Variants in CPNE6 observed in about 807,000 individuals in gnomAD.
CPNE6 encodes the protein copine-6.
CPNE6 carries 33 observed loss-of-function variants against 71.5 expected under a neutral mutation model. That is an observed-to-expected ratio of 0.46 (90% confidence interval 0.35 to 0.62). CPNE6 has a LOEUF of 0.62. Ranked by LOEUF, CPNE6 falls within the 20% of genes least tolerant of loss-of-function variation. CPNE6 has a pLI of 0.00. For synonymous variants in CPNE6, 296 were observed against 293.0 expected, an observed-to-expected ratio of 1.01 and a Z score of -0.10; for missense variants, 576 against 747.3, an observed-to-expected ratio of 0.77 and a Z score of 2.67.
chr14:24,075,493 G>T lies in CPNE6; in HGVS notation c.778-12G>T. The T allele has an allele frequency of 6.2e-7, 1 of 1,607,800 alleles. No individual in the cohort carries two copies. The highest frequency in any genetic ancestry group is 8.5e-7 in the Non-Finnish European group (1 of 1,176,672). ...TGGACTTGTGACCCTGAGCTTGTGGGGTGGGGTCTAGATGCAGTGGGACTG... is the reference window on the plus strand; with the variant it reads ...TGGACTTGTGACCCTGAGCTTGTGGTGTGGGGTCTAGATGCAGTGGGACTG... On this transcript the variant is annotated splice_polypyrimidine_tract_variant and intron_variant, in intron 9 of 17. Coordinates refer to ENST00000397016, the Ensembl canonical transcript of CPNE6. This position sits in a 1 kb window ranked among gnomAD's most constrained non-coding sequence, Gnocchi z 4.3.
intron 1 of CPNE6, chr14:24,071,049 G>A (rs888648456): frequency 4.6e-6 from 7 of 1,534,520 alleles, no homozygotes; most frequent in Admixed American, 3.9e-5. Flanking sequence ...GTGAGTACAT[G>A]TGTGACAAGG....
Position 24,075,407 on chromosome 14 carries a change from G to T in CPNE6, c.778-98G>T. ...AAGCACCTGGGCTCAGCTGAAGGAC[G>T]GAACCATGGGGGTCTTGCTCTGGGA... On this transcript the variant is annotated intron_variant, in intron 9 of 17. Coordinates refer to ENST00000397016, the Ensembl canonical transcript of CPNE6. This position sits in a 1 kb window ranked among gnomAD's most constrained non-coding sequence, Gnocchi z 4.3. The T allele has an allele frequency of 7.1e-7, 1 of 1,406,764 alleles. No individual in the cohort carries two copies. The highest frequency in any genetic ancestry group is 1.0e-6 in the Non-Finnish European group (1 of 999,656). 87.1% of individuals were successfully genotyped at this position (1,406,764 alleles called of 1,614,324 possible).
chr14:24,073,503 A>C lies in CPNE6; in HGVS notation c.173A>C (p.Glu58Ala). 6.2e-7 allele frequency: 1 copy of C among 1,612,978 alleles called. No individual in the cohort carries two copies. The highest frequency in any genetic ancestry group is 8.5e-7 in the Non-Finnish European group (1 of 1,179,754). ...TCCCTTCAACCACTACCACAGGTAGAGCGCACAGAGGTGCTTCGCTCCTGT... is the reference window on the plus strand; with the variant it reads ...TCCCTTCAACCACTACCACAGGTAGCGCGCACAGAGGTGCTTCGCTCCTGT... Residue 58 changes from glutamate to alanine, a missense_variant, in exon 4 of 18, where the codon GAG becomes GCG. By Grantham distance (107) the Glu-to-Ala change is moderately radical. Coordinates refer to ENST00000397016, the Ensembl canonical transcript of CPNE6. This position sits in a 1 kb window ranked among gnomAD's most constrained non-coding sequence, Gnocchi z 5.5.
chr14:24,071,501 G>GGGGGGCCCC, intron 1 of CPNE6, 61 bp from the exon 1 acceptor site: 1 of 1,416,704 alleles, frequency 7.1e-7, no homozygotes, highest in Non-Finnish European at 9.3e-7. Flanking sequence ...CTGGTGCTGC[G>GGGGGGCCCC]CCCCCCCCCA....
chr14:24,074,079 C>A lies in CPNE6; in HGVS notation c.377C>A (p.Pro126Gln), dbSNP rs775929915. ...GTGTCACAAACCAAGGTCACTAAGC[C>A]ATTATTGCTGAAGAATGGGAAGACT... is the stretch of plus-strand genomic sequence containing the variant. Residue 126 changes from proline (P) to glutamine (Q), a missense_variant, in exon 5 of 18, where the codon CCA (proline) becomes CAA (glutamine). Physicochemically the swap from Pro to Gln is moderately conservative, Grantham distance 76. Transcript: ENST00000397016. The surrounding 1 kb of genome is among the most constrained non-coding windows in gnomAD (Gnocchi z 4.5). 6.2e-7 allele frequency: 1 copy of A among 1,614,180 alleles called. No individual in the cohort carries two copies. Among genetic ancestry groups the A allele is most frequent in the Non-Finnish European group, 8.5e-7 (1 of 1,180,022 alleles).
Position 24,071,281 on chromosome 14 carries a change from G to C in CPNE6, c.-119-246G>C, listed in dbSNP as rs1357177334. On this transcript the variant is annotated intron_variant, in intron 1 of 17. Coordinates refer to ENST00000397016, the Ensembl canonical transcript of CPNE6. ...GTCGCCATCATTTCTCTGTTTGAAT[G>C]TGTATGTGCATGCCACTGCAATGTG... 4.6e-6 allele frequency: 6 copies of C among 1,307,216 alleles called. No individual in the cohort carries two copies. In the Admixed American group the frequency reaches 1.6e-4, roughly 36 times the overall value. 81.0% of individuals were successfully genotyped at this position (1,307,216 alleles called of 1,614,324 possible).
rs2036007732 is a variant in CPNE6, at chr14:24,074,813, C to G, written c.672+18C>G. ...CTCTCAAGGTGAAGTCCCAGCCAAGCCAGCACAGCCTACTTAGAGCAACCA... is the reference window on the plus strand; with the variant it reads ...CTCTCAAGGTGAAGTCCCAGCCAAGGCAGCACAGCCTACTTAGAGCAACCA... On this transcript the variant is annotated intron_variant, in intron 8 of 17. Coordinates refer to ENST00000397016, the Ensembl canonical transcript of CPNE6. The surrounding 1 kb of genome is among the most constrained non-coding windows in gnomAD (Gnocchi z 4.5). The G allele has an allele frequency of 6.2e-7, 1 of 1,603,790 alleles. No individual in the cohort carries two copies. Among genetic ancestry groups the G allele is most frequent in the African/African-American group, 1.3e-5 (1 of 74,630 alleles).
chr14:24,075,702 G>A lies in CPNE6; in HGVS notation c.864+111G>A. On this transcript the variant is annotated intron_variant, in intron 10 of 17. Coordinates refer to ENST00000397016, the Ensembl canonical transcript of CPNE6. The surrounding 1 kb of genome is among the most constrained non-coding windows in gnomAD (Gnocchi z 4.3). The stretch of plus-strand genomic sequence containing the variant: ...CCAGTTTCTCTGCTTCTGGGAACTG[G>A]AAACCACCCCCAACTGCAACCCAAA... 7.3e-7 allele frequency: 1 copy of A among 1,364,024 alleles called. No individual in the cohort carries two copies. The highest frequency in any genetic ancestry group is 1.0e-6 in the Non-Finnish European group (1 of 972,010). 84.5% of individuals were successfully genotyped at this position (1,364,024 alleles called of 1,614,324 possible). A position where few individuals can be genotyped will look rare whatever the true frequency, so the allele number is the denominator to read the frequency against.
intron 14 of CPNE6, 45 bp downstream of exon 13, chr14:24,076,602 C>T (rs2036073887): frequency 1.9e-6 from 3 of 1,610,184 alleles, no homozygotes; most frequent in Admixed American, 3.3e-5. Context: ...CGCAGACACA[C>T]TCCACACAGG....
chr14:24,074,880 C>T lies in CPNE6; in HGVS notation c.672+85C>T, dbSNP rs912166854. 5.6e-6 allele frequency: 6 copies of T among 1,072,410 alleles called. No individual in the cohort carries two copies. In the African/African-American group the frequency reaches 9.4e-5, roughly 17 times the overall value. 66.4% of individuals were successfully genotyped at this position (1,072,410 alleles called of 1,614,324 possible). On this transcript the variant is annotated intron_variant, in intron 8 of 17. Transcript: ENST00000397016. The surrounding 1 kb of genome is among the most constrained non-coding windows in gnomAD (Gnocchi z 4.5). ...CTTTCCCCTGCATGTGGCAAGCCTC[C>T]CTCCTCTCCCCCAAGTGATAATCAC...
intron 1 of CPNE6, chr14:24,071,058 G>C: frequency 6.5e-7 from 1 of 1,532,500 alleles, no homozygotes; most frequent in East Asian, 2.4e-5. Context: ...TGTGTGACAA[G>C]GACAGCCCAG....
At position 24,074,298 on chromosome 14, in the gene CPNE6, C is replaced by A; in HGVS notation, c.431C>A (p.Ala144Asp). 2 of 1,578,900 alleles carry A rather than the reference C, an allele frequency of 1.3e-6. No homozygotes were observed. Among genetic ancestry groups the A allele is most frequent in the South Asian group, 1.2e-5 (1 of 85,892 alleles). ...CTTGTATCCCCCTTGCAGATCGTGG[C>A]CGAGGAGGTATCAGGCACAAACGAC... The change falls in exon 6 of 18, where the codon GCC (alanine) becomes GAC (aspartate). Residue 144 changes from alanine to aspartate, a missense_variant. Transcript: ENST00000397016. The surrounding 1 kb of genome is among the most constrained non-coding windows in gnomAD (Gnocchi z 4.5).
At chr14:24,078,003 A>G (rs1189123175) in exon 18 of CPNE6, 4 of 352,876 alleles carry the variant, frequency 1.1e-5, no homozygotes, top group South Asian at 2.5e-4. Flanking sequence ...TCCAAACCCC[A>G]TACCCTTCAA....
chr14:24,075,463 C>T lies in CPNE6; in HGVS notation c.778-42C>T, dbSNP rs369875632. 1.9e-6 allele frequency: 3 copies of T among 1,573,512 alleles called. No individual in the cohort carries two copies. Among genetic ancestry groups the T allele is most frequent in the Admixed American group, 3.5e-5 (2 of 56,628 alleles). ...TGCTGGAAGGGAGAAAGAGGGGTCA[C>T]CTGATGGACTTGTGACCCTGAGCTT... On this transcript the variant is annotated intron_variant, in intron 9 of 17. Transcript: ENST00000397016. This position sits in a 1 kb window ranked among gnomAD's most constrained non-coding sequence, Gnocchi z 4.3.
Position 24,071,545 on chromosome 14 carries a change from G to C in CPNE6, c.-101G>C. On this transcript the variant is annotated 5_prime_UTR_variant, in exon 2 of 18. Coordinates refer to ENST00000397016, the Ensembl canonical transcript of CPNE6. ...CATCCAGGCCCCATAAATAGCAGCA[G>C]AGCCGGAGCTGGAGCCGGCGCCAGC... is the stretch of plus-strand genomic sequence containing the variant. The C allele has an allele frequency of 8.4e-7, 1 of 1,189,810 alleles. No individual in the cohort carries two copies. Among genetic ancestry groups the C allele is most frequent in the Non-Finnish European group, 1.1e-6 (1 of 915,990 alleles). The allele number at this position is 1,189,810 out of a possible 1,614,324, so 73.7% of individuals were successfully genotyped here.
Position 24,075,274 on chromosome 14 carries a change from G to A in CPNE6, c.775G>A (p.Glu259Lys). The A allele has an allele frequency of 6.2e-7, 1 of 1,613,786 alleles. No homozygotes were observed. The highest frequency in any genetic ancestry group is 8.5e-7 in the Non-Finnish European group (1 of 1,179,684). ...GGAAGGGACGGCAAACCCTGGGCAG[G>A]AGGTGCCACAAATACCCCACCCCCA... The change falls in exon 9 of 18, where the codon GAG (glutamate) becomes AAG (lysine). Residue 259 changes from glutamate to lysine, a missense_variant and splice_region_variant. By Grantham distance (56) the Glu-to-Lys change is moderately conservative. Around this residue, in one of 4 missense-constraint regions of CPNE6, gnomAD observed 214 missense variants for 291.2 expected, o/e 0.73. Coordinates refer to ENST00000397016, the Ensembl canonical transcript of CPNE6. The surrounding 1 kb of genome is among the most constrained non-coding windows in gnomAD (Gnocchi z 4.3).
rs1394272398 is a variant in CPNE6 at position 24,075,081 on chromosome 14, C to A, written c.673-91C>A. On this transcript the variant is annotated intron_variant, in intron 8 of 17. Transcript: ENST00000397016. The surrounding 1 kb of genome is among the most constrained non-coding windows in gnomAD (Gnocchi z 4.3). The stretch of plus-strand genomic sequence containing the variant: ...GGCATGGAGACTCTAAGGCCCAAGT[C>A]CCCCTACTCCAAGTCCCCGAGTCCC... 1.5e-5 allele frequency: 14 copies of A among 917,862 alleles called. No homozygotes were observed. The highest frequency in any genetic ancestry group is 2.0e-5 in the Non-Finnish European group (11 of 561,474). 56.9% of individuals were successfully genotyped at this position (917,862 alleles called of 1,614,324 possible). A position where few individuals can be genotyped will look rare whatever the true frequency, so the allele number is the denominator to read the frequency against.
chr14:24,075,408 G>A lies in CPNE6; in HGVS notation c.778-97G>A. ...AGCACCTGGGCTCAGCTGAAGGACGGAACCATGGGGGTCTTGCTCTGGGAG... is the reference window on the plus strand; with the variant it reads ...AGCACCTGGGCTCAGCTGAAGGACGAAACCATGGGGGTCTTGCTCTGGGAG... On this transcript the variant is annotated intron_variant, in intron 9 of 17. Transcript: ENST00000397016. This position sits in a 1 kb window ranked among gnomAD's most constrained non-coding sequence, Gnocchi z 4.3. 3 of 1,416,566 alleles carry A rather than the reference G, an allele frequency of 2.1e-6. No individual in the cohort carries two copies. The highest frequency in any genetic ancestry group is 3.0e-6 in the Non-Finnish European group (3 of 1,008,234). The allele number at this position is 1,416,566 out of a possible 1,614,324, so 87.7% of individuals were successfully genotyped here.
Position 24,075,638 on chromosome 14 carries a change from AC to A in CPNE6, c.864+49del. 1 of 1,505,046 alleles carries A rather than the reference AC, an allele frequency of 6.6e-7. No homozygotes were observed. The highest frequency in any genetic ancestry group is 9.1e-7 in the Non-Finnish European group (1 of 1,093,820). The allele number at this position is 1,505,046 out of a possible 1,614,324, so 93.2% of individuals were successfully genotyped here. On this transcript the variant is annotated intron_variant, in intron 10 of 17. Transcript: ENST00000397016. This position sits in a 1 kb window ranked among gnomAD's most constrained non-coding sequence, Gnocchi z 4.3. ...AAGCCTTGCCCCAGCCCCTGCCCCT[AC>A]CACACTCTCAGGTTCAACCCTTCCC...
Sources: allele counts gnomAD v4.1 joint callset, GRCh38; gene constraint gnomAD v4.1.1; regional missense constraint gnomAD v4.1.1; non-coding constraint Gnocchi (gnomAD v3.1); transcripts MANE v1.5; gene names NCBI Gene and HGNC (gene_info 2026-07-23, HGNC 2026-07-21).